The following NTM variants were observed in gnomAD, a reference collection of about 807,000 sequenced individuals.
The protein encoded by NTM is IgLON family member 2.
In NTM, 13 loss-of-function variants were observed where a neutral mutation model predicts 42.1. The observed-to-expected ratio is 0.31, with a 90% confidence interval of 0.20 to 0.49. The LOEUF is 0.49. Ranked by LOEUF, NTM falls within the 20% of genes least tolerant of loss-of-function variation. The pLI, the probability that NTM is intolerant of heterozygous loss-of-function variation, is 0.99. For synonymous variants in NTM, 187 were observed against 179.2 expected, an observed-to-expected ratio of 1.04 and a Z score of -0.35; for missense variants, 373 against 452.8, an observed-to-expected ratio of 0.82 and a Z score of 1.60.
intron 1 of NTM, among the ~76,000 whole-genome samples, chr11:131,801,894 C>T (rs2092145574): frequency 6.6e-6 from 1 of 152,156 alleles, no homozygotes; most frequent in Admixed American, 6.5e-5. Context: ...GACCCCAGCC[C>T]TGTGCCACCC....
chr11:132,038,778 A>C (rs997554203), intron 2 of NTM, among the ~76,000 whole-genome samples: 1 of 152,132 alleles, frequency 6.6e-6, no homozygotes, highest in African/African-American at 2.4e-5. Context: ...TTAATCAGGC[A>C]AGTTGGGCCC....
chr11:131,912,368 G>A (rs939463125), intron 2 of NTM, among the ~76,000 whole-genome samples: 1 of 152,154 alleles, frequency 6.6e-6, no homozygotes, highest in African/African-American at 2.4e-5. Context: ...TTCAGTGTTG[G>A]GTTGGGTCCT....
At chr11:132,311,478 G>C (rs908656262) in intron 6 of NTM, among the ~76,000 whole-genome samples, 20 of 152,160 alleles carry the variant, frequency 1.3e-4, no homozygotes, top group African/African-American at 4.8e-5. Context: ...AATAGAGCTG[G>C]CTTTCCCCTT....
intron 1 of NTM, among the ~76,000 whole-genome samples, chr11:131,823,618 G>GA (rs923803223): frequency 9.9e-5 from 15 of 151,694 alleles, no homozygotes; most frequent in Admixed American, 5.2e-4. Flanking sequence ...GTGTCTTGGG[G>GA]AAAAAAAGGA....
intron 1 of NTM, among the ~76,000 whole-genome samples, chr11:131,897,429 A>T (rs1387190677): frequency 6.6e-6 from 1 of 152,206 alleles, no homozygotes; most frequent in Non-Finnish European, 1.5e-5. Context: ...TTGCAGTTGG[A>T]GTTAAATGTC....
chr11:131,952,489 G>A (rs1443480149), intron 2 of NTM, among the ~76,000 whole-genome samples: 5 of 152,064 alleles, frequency 3.3e-5, no homozygotes, highest in Admixed American at 6.5e-5. Context: ...ACATACTTAT[G>A]GGCATTTTAA....
At chr11:131,983,152 G>A (rs1013726514) in intron 2 of NTM, among the ~76,000 whole-genome samples, 2 of 151,952 alleles carry the variant, frequency 1.3e-5, no homozygotes, top group Non-Finnish European at 2.9e-5. Flanking sequence ...GAAAAGATTG[G>A]TTGGTTTATC....
intron 2 of NTM, among the ~76,000 whole-genome samples, chr11:132,096,215 T>C (rs1312942546): frequency 1.3e-5 from 2 of 152,288 alleles, no homozygotes; most frequent in East Asian, 3.9e-4. Context: ...CCAGCGACCT[T>C]TGATTGCAAG....
intron 1 of NTM, among the ~76,000 whole-genome samples, chr11:131,382,754 T>C (rs1426447731): frequency 6.6e-6 from 1 of 152,230 alleles, no homozygotes; most frequent in Non-Finnish European, 1.5e-5. Context: ...ATCATTATCT[T>C]TGAAACATGA....
chr11:132,158,136 C>T (rs1010780841), intron 3 of NTM, among the ~76,000 whole-genome samples: 2 of 152,216 alleles, frequency 1.3e-5, no homozygotes, highest in African/African-American at 4.8e-5. Flanking sequence ...TTTAACATCC[C>T]TACTGTGGCC....
chr11:131,440,434 C>T (rs1949520441), intron 1 of NTM, among the ~76,000 whole-genome samples: 1 of 151,998 alleles, frequency 6.6e-6, no homozygotes, highest in South Asian at 2.1e-4. Flanking sequence ...AGAAAACTTC[C>T]AATCTGCTTA....
At chr11:131,803,559 G>A (rs906387499) in intron 1 of NTM, among the ~76,000 whole-genome samples, 10 of 152,128 alleles carry the variant, frequency 6.6e-5, no homozygotes, top group African/African-American at 1.2e-4. Context: ...ATCCGCCCAC[G>A]TTGGCCTCCC....
intron 1 of NTM, among the ~76,000 whole-genome samples, chr11:131,439,195 A>C (rs1949395412): frequency 6.6e-6 from 1 of 152,158 alleles, no homozygotes; most frequent in African/African-American, 2.4e-5. Flanking sequence ...CCAGAGGGTC[A>C]TCTGCCTGTA....
chr11:132,182,227 C>A (rs1173041564), intron 3 of NTM, among the ~76,000 whole-genome samples: 1 of 152,058 alleles, frequency 6.6e-6, no homozygotes, highest in African/African-American at 2.4e-5. Flanking sequence ...CCTTACAATT[C>A]TATCTACCAA....
At chr11:132,152,301 A>G (rs955530205) in intron 3 of NTM, among the ~76,000 whole-genome samples, 1 of 152,202 alleles carries the variant, frequency 6.6e-6, no homozygotes, top group East Asian at 1.9e-4. Context: ...AAGCGAGTCA[A>G]TGGTAGAGGA....
At chr11:132,024,291 A>T (rs1337478563) in intron 2 of NTM, among the ~76,000 whole-genome samples, 1 of 152,086 alleles carries the variant, frequency 6.6e-6, no homozygotes, top group Non-Finnish European at 1.5e-5. Context: ...TGACCTACAG[A>T]CTTGAAAGGC....
At chr11:132,119,559 G>A (rs1355341041) in intron 2 of NTM, among the ~76,000 whole-genome samples, 5 of 152,208 alleles carry the variant, frequency 3.3e-5, no homozygotes, top group Non-Finnish European at 5.9e-5. Flanking sequence ...CCTTCTTACC[G>A]TTCAATCAGG....
At chr11:131,613,235 A>G (rs1297376610) in intron 1 of NTM, among the ~76,000 whole-genome samples, 1 of 152,174 alleles carries the variant, frequency 6.6e-6, no homozygotes, top group Non-Finnish European at 1.5e-5. Flanking sequence ...CTGGAAGCTC[A>G]TAGGCCACTC....
At chr11:131,900,470 T>C (rs768473281) in intron 1 of NTM, among the ~76,000 whole-genome samples, 7 of 152,144 alleles carry the variant, frequency 4.6e-5, no homozygotes, top group South Asian at 4.1e-4. Flanking sequence ...AATGTGGAGA[T>C]TGAAACAGAG....
Sources: allele counts gnomAD v4.1 joint callset (sites outside exome capture counted in the v4.1 genomes callset), GRCh38; gene constraint gnomAD v4.1.1; transcripts MANE v1.5; gene names NCBI Gene and HGNC (gene_info 2026-07-23, HGNC 2026-07-21).